VPS4A: variants seen among roughly 807,000 people sequenced by gnomAD.
The protein encoded by VPS4A is vacuolar protein sorting 4 homolog A.
A neutral mutation model predicts 52.3 loss-of-function variants in VPS4A; 20 were observed. The observed-to-expected ratio is 0.38, with a 90% CI of 0.27 to 0.56. The LOEUF (loss-of-function observed/expected upper bound fraction) is 0.56. Among genes scored for constraint, VPS4A ranks in the 20% least tolerant of loss-of-function variants. The probability of loss-of-function intolerance (pLI) is 0.72; values close to 1 mark genes in which losing one functional copy is unlikely to be tolerated. For synonymous variants in VPS4A, 293 were observed against 227.7 expected (o/e 1.29, Z -2.58); for missense variants, 419 against 575.9 (o/e 0.73, Z 2.79).
Position 69,321,304 on chromosome 16 carries a change from C to T in VPS4A, c.1071+34C>T. On this transcript the variant is annotated intron_variant, in intron 9 of 10. Transcript: ENST00000254950. The surrounding 1 kb of genome is among the most constrained non-coding windows in gnomAD (Gnocchi z 4.5). ...CCGCGGCCACTGCTGAGAAAAATCTCATAGTAAGAGCGGGATGTTCGGTTT... is the reference window on the plus strand; with the variant it reads ...CCGCGGCCACTGCTGAGAAAAATCTTATAGTAAGAGCGGGATGTTCGGTTT... 6.5e-7 allele frequency: 1 copy of T among 1,541,230 alleles called. No homozygotes were observed.
rs1318729279 is a variant in VPS4A, at chr16:69,326,500, A to C, written c.*2191A>C. On this transcript the variant is annotated 3_prime_UTR_variant, in exon 11 of 11. Transcript: ENST00000254950. ...ATCAGAACGTTGTTTCCTCATTCCT[A>C]CTGCTTAAACACCTTGACAAGTCCT... 6.6e-6 allele frequency: 1 copy of C among 152,242 alleles called. No homozygotes were observed. Among genetic ancestry groups the C allele is most frequent in the Admixed American group, 6.5e-5 (1 of 15,286 alleles). The allele number at this position is 152,242 out of a possible 1,614,324, so 9.4% of individuals were successfully genotyped here.
chr16:69,323,716 G>A (rs1350020633), intron 10 of VPS4A: 6 of 452,986 alleles, frequency 1.3e-5, no homozygotes, highest in South Asian at 4.7e-5. Flanking sequence ...TCGGGAGGCC[G>A]AGGCGGGCAG....
chr16:69,311,362 G>T lies in VPS4A; in HGVS notation c.-150G>T. 1.2e-6 allele frequency: 1 copy of T among 857,116 alleles called. No individual in the cohort carries two copies. Among genetic ancestry groups the T allele is most frequent in the Non-Finnish European group, 1.5e-6 (1 of 647,568 alleles). 53.1% of individuals were successfully genotyped at this position (857,116 alleles called of 1,614,324 possible). A position where few individuals can be genotyped will look rare whatever the true frequency, so the allele number is the denominator to read the frequency against. On this transcript the variant is annotated 5_prime_UTR_variant, in exon 1 of 11. Coordinates refer to ENST00000254950, the MANE Select transcript of VPS4A (RefSeq NM_013245.3). Reference sequence around the variant, plus strand: ...GCGCTCCTCGCTTGCCCTCGGACTCGGCTCCCGCTGCGAGCGGCCGCCCTG... The same window carrying T: ...GCGCTCCTCGCTTGCCCTCGGACTCTGCTCCCGCTGCGAGCGGCCGCCCTG...
At position 69,324,252 on chromosome 16, in the gene VPS4A, T is replaced by A; in HGVS notation, c.1257T>A (p.Asn419Lys). ...RSLATTRPTV[N>K]ADDLLKVKKF... ...TGGCCACCACCCGGCCCACGGTGAA[T>A]GCAGACGACCTCCTGAAAGTGAAGA... Residue 419 changes from asparagine to lysine, a missense_variant, in exon 11 of 11, where the codon AAT becomes AAA. This residue lies in a region of VPS4A where 185 missense variants were observed against 200.2 expected (regional missense o/e 0.92). Transcript: ENST00000254950. 1 of 1,613,934 alleles carries A rather than the reference T, an allele frequency of 6.2e-7. No homozygotes were observed. Among genetic ancestry groups the A allele is most frequent in the Non-Finnish European group, 8.5e-7 (1 of 1,179,882 alleles).
In VPS4A at chr16:69,321,111, G is replaced by A; in HGVS notation, c.912G>A (p.Arg304=). 6.3e-7 allele frequency: 1 copy of A among 1,596,040 alleles called. No individual in the cohort carries two copies. Among genetic ancestry groups the A allele is most frequent in the Non-Finnish European group, 8.5e-7 (1 of 1,171,524 alleles). The change falls in exon 9 of 11, where the codon CGG becomes CGA. Residue 304 remains arginine (R), a synonymous_variant. Coordinates refer to ENST00000254950, the MANE Select transcript of VPS4A (RefSeq NM_013245.3). This position sits in a 1 kb window ranked among gnomAD's most constrained non-coding sequence, Gnocchi z 4.5. ...AAGCTGCCCGCGCCCAGATGTTCCG[G>A]TTGCATCTCGGGAGCACTCCCCACA... ...PEEAARAQMF[R]LHLGSTPHNL...
At chr16:69,317,133 TC>T (rs1343162428) in intron 3 of VPS4A, among the ~76,000 whole-genome samples, 2 of 152,074 alleles carry the variant, frequency 1.3e-5, no homozygotes, top group African/African-American at 4.8e-5. Context: ...CACGTTCCCA[TC>T]CGCAGAGGGA....
rs1965431382 is a variant in VPS4A, at chr16:69,316,018, A to G, written c.32A>G (p.Asp11Gly). Residue 11 changes from aspartate to glycine, a missense_variant, in exon 2 of 11, where the codon GAT (aspartate) becomes GGT (glycine). This residue lies in a region of VPS4A where 131 missense variants were observed against 165.4 expected (regional missense o/e 0.79). Coordinates refer to ENST00000254950, the MANE Select transcript of VPS4A (RefSeq NM_013245.3). MTTSTLQKAI[D>G]LVTKATEEDK... ...GCTTTGCCTTTCCAGAAAGCCATTG[A>G]TCTGGTGACGAAAGCCACAGAGGAG... 3.1e-6 allele frequency: 5 copies of G among 1,613,500 alleles called. No homozygotes were observed. Among genetic ancestry groups the G allele is most frequent in the Non-Finnish European group, 4.2e-6 (5 of 1,179,844 alleles).
In VPS4A at chr16:69,318,796, G is replaced by A. The variant is rs770549111; in HGVS notation, c.344-27G>A. ...TGGCTCATGCCCCTTGGCCGGGCCC[G>A]GGCCCGGGCCGGCCTCCCTCTCGCA... On this transcript the variant is annotated intron_variant, in intron 4 of 10. Transcript: ENST00000254950. The A allele has an allele frequency of 6.8e-6, 11 of 1,611,488 alleles. No homozygotes were observed. In the African/African-American group the frequency reaches 8.0e-5, roughly 12 times the overall value.
Position 69,325,657 on chromosome 16 carries a change from C to G in VPS4A, c.*1348C>G, listed in dbSNP as rs113671952. 1 of 150,208 alleles carries G rather than the reference C, an allele frequency of 6.7e-6. No homozygotes were observed. The highest frequency in any genetic ancestry group is 1.5e-5 in the Non-Finnish European group (1 of 67,836). The allele number at this position is 150,208 out of a possible 1,614,324, so 9.3% of individuals were successfully genotyped here. On this transcript the variant is annotated 3_prime_UTR_variant, in exon 11 of 11. Transcript: ENST00000254950. The stretch of plus-strand genomic sequence containing the variant: ...CTGAGGCAGGAGAATGGCGTGAACC[C>G]GGGGGACGGAGCTTGCAGTGAGCCG...
At chr16:69,316,408 C>T (rs1431241712) in intron 3 of VPS4A, 36 bp downstream of exon 3, 5 of 1,608,254 alleles carry the variant, frequency 3.1e-6, no homozygotes, top group Non-Finnish European at 4.2e-6. Flanking sequence ...GAACCTGGGC[C>T]CTCCTCACGG....
In VPS4A at chr16:69,325,448, G is replaced by A. The variant is rs945312529; in HGVS notation, c.*1139G>A. The A allele has an allele frequency of 9.7e-6, 1 of 103,096 alleles. No individual in the cohort carries two copies. The highest frequency in any genetic ancestry group is 4.1e-5 in the African/African-American group (1 of 24,220). 6.4% of individuals were successfully genotyped at this position (103,096 alleles called of 1,614,324 possible). On this transcript the variant is annotated 3_prime_UTR_variant, in exon 11 of 11. Coordinates refer to ENST00000254950, the MANE Select transcript of VPS4A (RefSeq NM_013245.3). ...TTTGGGCCGCTAACATTTAAAAGTC[G>A]AGAGTTGCTGGGCGCGGTGGCTCAC...
Position 69,320,107 on chromosome 16 carries a change from C to T in VPS4A, c.621-34C>T, listed in dbSNP as rs369119351. ...GAGCCCAGGCGGGCACGGACGTGAA[C>T]GTCTTGTCCTCACCCCCTTTCTCAC... is the stretch of plus-strand genomic sequence containing the variant. On this transcript the variant is annotated intron_variant, in intron 6 of 10. Transcript: ENST00000254950. This position sits in a 1 kb window ranked among gnomAD's most constrained non-coding sequence, Gnocchi z 4.2. 5.4e-5 allele frequency: 86 copies of T among 1,594,994 alleles called. No homozygotes were observed. Among genetic ancestry groups the T allele is most frequent in the African/African-American group, 1.9e-4 (14 of 74,588 alleles).
rs565683347 is a variant in VPS4A, at chr16:69,318,559, A to G, written c.282-91A>G. On this transcript the variant is annotated intron_variant, in intron 3 of 10. Transcript: ENST00000254950. ...GCCAGGAAGGCTTCGTTCCTTAACC[A>G]GTGTGCAGGCAGCGGAGCCTGGACT... The G allele has an allele frequency of 1.8e-3, 2,500 of 1,396,306 alleles. 2 individuals carry two copies. Among genetic ancestry groups the G allele is most frequent in the Admixed American group, 3.1e-3 (155 of 49,560 alleles). The allele number at this position is 1,396,306 out of a possible 1,614,324, so 86.5% of individuals were successfully genotyped here.
intron 10 of VPS4A, chr16:69,323,558 G>C (rs1965539915): frequency 2.2e-6 from 1 of 446,540 alleles, no homozygotes; most frequent in South Asian, 1.6e-5. Context: ...TGTCAAGACT[G>C]TGACGCAGTT....
intron 3 of VPS4A, among the ~76,000 whole-genome samples, chr16:69,317,656 G>C (rs1440850652): frequency 6.6e-6 from 1 of 152,148 alleles, no homozygotes; most frequent in Non-Finnish European, 1.5e-5. Context: ...AGCCGGGCGT[G>C]GTGGCGGGCA....
intron 9 of VPS4A, chr16:69,322,249 G>C: frequency 4.6e-6 from 1 of 217,808 alleles, no homozygotes; most frequent in Non-Finnish European, 9.0e-6. Context: ...CTGGGAGATA[G>C]ATACAGTTCA....
chr16:69,312,281 A>G (rs1965387130), intron 1 of VPS4A, among the ~76,000 whole-genome samples: 1 of 152,140 alleles, frequency 6.6e-6, no homozygotes, highest in Non-Finnish European at 1.5e-5. Context: ...TTGAATAATT[A>G]CGGTAAAGCA....
In VPS4A at chr16:69,325,889, C is replaced by T. The variant is rs1240205048; in HGVS notation, c.*1580C>T. 6.6e-6 allele frequency: 1 copy of T among 152,296 alleles called. No individual in the cohort carries two copies. The highest frequency in any genetic ancestry group is 6.6e-5 in the Admixed American group (1 of 15,262). The allele number at this position is 152,296 out of a possible 1,614,324, so 9.4% of individuals were successfully genotyped here. Reference sequence around the variant, plus strand: ...GTACAGAAGGGGTCCCCCATCCCCACTCATCTGTGTTGCCTGCCCAGATAG... The same window carrying T: ...GTACAGAAGGGGTCCCCCATCCCCATTCATCTGTGTTGCCTGCCCAGATAG... On this transcript the variant is annotated 3_prime_UTR_variant, in exon 11 of 11. Coordinates refer to ENST00000254950, the MANE Select transcript of VPS4A (RefSeq NM_013245.3).
chr16:69,312,987 ATT>A (rs531516247), intron 1 of VPS4A, among the ~76,000 whole-genome samples: 1 of 142,666 alleles, frequency 7.0e-6, no homozygotes, highest in Non-Finnish European at 1.5e-5. Context: ...GTTTTTATTA[ATT>A]TTTTTTTTTG....
Sources: gnomAD v4.1 joint callset for allele counts (sites outside exome capture counted in the v4.1 genomes callset) on GRCh38, gnomAD v4.1.1 for gene constraint, gnomAD v4.1.1 regional missense constraint, Gnocchi (gnomAD v3.1) non-coding constraint, MANE v1.5 for transcripts, NCBI Gene and HGNC (gene_info 2026-07-23, HGNC 2026-07-21) for gene names.